Variants in USH2A observed in about 807,000 individuals in gnomAD.
USH2A encodes usherin.
Under a neutral mutation model 538.9 loss-of-function variants are expected in USH2A, and 443 were observed. The observed-to-expected ratio is 0.82, with a 90% confidence interval of 0.76 to 0.89. USH2A has a LOEUF of 0.89. Ranked by LOEUF, USH2A falls within the 40% of genes least tolerant of loss-of-function variation. The pLI is 0.00. For missense variants in USH2A, 6,633 were observed against 6,324.8 expected (o/e 1.05, Z -1.65); for synonymous variants, 2,413 against 2,273.5 (o/e 1.06, Z -1.75).
intron 21 of USH2A, among the ~76,000 whole-genome samples, chr1:216,155,897 T>A (rs1208390285): frequency 6.6e-6 from 1 of 152,222 alleles, no homozygotes; most frequent in Non-Finnish European, 1.5e-5. Context: ...TAAATAATCT[T>A]ATTAGATGAT....
intron 5 of USH2A, among the ~76,000 whole-genome samples, chr1:216,326,183 G>T (rs2037730929): frequency 6.6e-6 from 1 of 152,196 alleles, no homozygotes; most frequent in Admixed American, 6.5e-5. Context: ...GCTGCCAACA[G>T]TCAAAGAATG....
Position 215,900,861 on chromosome 1 carries a change from T to C in USH2A, c.7345A>G (p.Thr2449Ala). The change falls in exon 39 of 72, where the codon ACC becomes GCC. Residue 2449 changes from threonine to alanine, a missense_variant. Thr to Ala is a moderately conservative substitution (Grantham distance 58). Coordinates refer to ENST00000307340, the MANE Select transcript of USH2A (RefSeq NM_206933.4). ...GTAGACCAGACAACCTGAAGACTGG[T>C]TGGAGTGGCAGATGAAAGCCTGGGA... ...LPPRLSSATP[T>A]SLQVVWSTPA... 1.2e-6 allele frequency: 2 copies of C among 1,613,732 alleles called. No homozygotes were observed. The highest frequency in any genetic ancestry group is 1.7e-6 in the Non-Finnish European group (2 of 1,179,770).
chr1:216,295,215 A>T (rs1366482233), intron 9 of USH2A, among the ~76,000 whole-genome samples: 1 of 151,826 alleles, frequency 6.6e-6, no homozygotes, highest in East Asian at 1.9e-4. Flanking sequence ...GTAAAAAAAT[A>T]AAAAAATATT....
Position 215,680,381 on chromosome 1 carries a change from A to G in USH2A, c.12067-5T>C. On this transcript the variant is annotated splice_polypyrimidine_tract_variant and splice_region_variant and intron_variant, in intron 61 of 71. Transcript: ENST00000307340. Reference sequence around the variant, plus strand: ...GTGGGCTTGATGGCTTGTTCCCTGTAAGAAAATTAACAGGTTAAGTTGTTG... The same window carrying G: ...GTGGGCTTGATGGCTTGTTCCCTGTGAGAAAATTAACAGGTTAAGTTGTTG... 1.2e-6 allele frequency: 2 copies of G among 1,603,416 alleles called. No individual in the cohort carries two copies. The highest frequency in any genetic ancestry group is 1.7e-6 in the Non-Finnish European group (2 of 1,177,346).
At chr1:216,336,538 A>C (rs2037978439) in intron 4 of USH2A, among the ~76,000 whole-genome samples, 1 of 151,526 alleles carries the variant, frequency 6.6e-6, no homozygotes, top group Admixed American at 6.6e-5. Flanking sequence ...CAAAGTTGCA[A>C]GTTGCAATAT....
chr1:216,213,774 A>G (rs1332283670), intron 15 of USH2A, among the ~76,000 whole-genome samples: 1 of 152,016 alleles, frequency 6.6e-6, no homozygotes, highest in African/African-American at 2.4e-5. Flanking sequence ...TTTTTAAAGT[A>G]TACCAATAAA....
chr1:216,378,930 T>G (rs542693269), intron 3 of USH2A, among the ~76,000 whole-genome samples: 47 of 152,318 alleles, frequency 3.1e-4, no homozygotes, highest in African/African-American at 1.0e-3. Flanking sequence ...TCTGCAGATG[T>G]GTTTCTATTC....
chr1:215,858,903 A>G (rs1434653548), intron 44 of USH2A, among the ~76,000 whole-genome samples: 1 of 152,156 alleles, frequency 6.6e-6, no homozygotes, highest in Non-Finnish European at 1.5e-5. Context: ...ACAGAAACTT[A>G]TTTCTCACAA....
intron 21 of USH2A, among the ~76,000 whole-genome samples, chr1:216,141,179 A>T (rs1449246080): frequency 6.6e-6 from 1 of 152,206 alleles, no homozygotes; most frequent in African/African-American, 2.4e-5. Context: ...AACTTCCTGC[A>T]ACTCTAATTA....
intron 49 of USH2A, among the ~76,000 whole-genome samples, chr1:215,806,329 T>C (rs1471334164): frequency 6.6e-6 from 1 of 150,788 alleles, no homozygotes; most frequent in African/African-American, 2.5e-5. Flanking sequence ...GTAAATGAGA[T>C]ACCAGCATTA....
At chr1:216,033,769 G>A (rs1486618420) in intron 32 of USH2A, among the ~76,000 whole-genome samples, 4 of 152,234 alleles carry the variant, frequency 2.6e-5, no homozygotes, top group East Asian at 1.9e-4. Flanking sequence ...CCAAGAGGTC[G>A]AGGCTGCAGT....
At chr1:215,914,204 G>T (rs539462175) in intron 38 of USH2A, among the ~76,000 whole-genome samples, 62 of 151,192 alleles carry the variant, frequency 4.1e-4, no homozygotes, top group African/African-American at 1.4e-3. Flanking sequence ...CTCCTGAGTA[G>T]CAACAGACTT....
At chr1:216,196,754 A>T (rs1174491405) in intron 18 of USH2A, 32 bp from the exon 19 acceptor site, 1 of 1,603,916 alleles carries the variant, frequency 6.2e-7, no homozygotes, top group African/African-American at 1.3e-5. Flanking sequence ...ATAACATCAA[A>T]ACAATGAATG....
At chr1:216,247,826 G>C (rs2036082675) in intron 12 of USH2A, among the ~76,000 whole-genome samples, 1 of 151,970 alleles carries the variant, frequency 6.6e-6, no homozygotes, top group Admixed American at 6.6e-5. Context: ...TAATTAGCTG[G>C]AATTAATCAT....
intron 49 of USH2A, among the ~76,000 whole-genome samples, chr1:215,809,626 G>T (rs979878694): frequency 2.0e-5 from 3 of 151,960 alleles, no homozygotes; most frequent in African/African-American, 7.3e-5. Context: ...AAACTACCAT[G>T]CAGTCTAACA....
chr1:215,645,315 AG>A (rs1656811892), intron 67 of USH2A, among the ~76,000 whole-genome samples: 2 of 151,968 alleles, frequency 1.3e-5, no homozygotes, highest in South Asian at 4.2e-4. Flanking sequence ...ACAGCAGCTG[AG>A]CTCAGTGACC....
Position 215,648,736 on chromosome 1 carries a change from G to C in USH2A, c.14374C>G (p.Leu4792Val). 6.2e-7 allele frequency: 1 copy of C among 1,614,182 alleles called. No individual in the cohort carries two copies. Among genetic ancestry groups the C allele is most frequent in the Non-Finnish European group, 8.5e-7 (1 of 1,180,034 alleles). ...LSEGMATQQT[L>V]HGLQAFTNYS... ...TTAGTGAAGGCTTGAAGGCCATGGA[G>C]AGTCTGCTGGGTGGCCATGCCTTCG... The change falls in exon 66 of 72, where the codon CTC (leucine) becomes GTC (valine). Residue 4792 changes from leucine (L) to valine (V), a missense_variant. Transcript: ENST00000307340.
chr1:216,089,342 A>C (rs1365764512), intron 22 of USH2A, among the ~76,000 whole-genome samples: 3 of 152,096 alleles, frequency 2.0e-5, no homozygotes, highest in Non-Finnish European at 4.4e-5. Flanking sequence ...TTCCCTGTGC[A>C]CCACAGTGTA....
chr1:216,168,090 A>C (rs1005856625), intron 21 of USH2A, among the ~76,000 whole-genome samples: 4 of 152,184 alleles, frequency 2.6e-5, no homozygotes, highest in Admixed American at 1.3e-4. Context: ...AAGAAAACAT[A>C]CACAAAATAA....
Sources: gnomAD v4.1 joint callset for allele counts (sites outside exome capture counted in the v4.1 genomes callset) on GRCh38, gnomAD v4.1.1 for gene constraint, MANE v1.5 for transcripts, NCBI Gene and HGNC (gene_info 2026-07-23, HGNC 2026-07-21) for gene names.